Variants in MLKL observed in about 807,000 individuals in gnomAD.
The protein encoded by MLKL is mixed lineage kinase domain-like protein.
MLKL carries 55 observed loss-of-function variants against 56.5 expected under a neutral mutation model. That is an observed-to-expected ratio of 0.97 (90% CI 0.78 to 1.22). The LOEUF is 1.22. Among genes scored for constraint, MLKL ranks in the 50% most tolerant of loss-of-function variants. The probability of loss-of-function intolerance (pLI) is 0.00; values close to 1 mark genes in which losing one functional copy is unlikely to be tolerated. For missense variants in MLKL, 694 were observed against 573.9 expected (o/e 1.21, Z -2.14); for synonymous variants, 251 against 208.3 (o/e 1.20, Z -1.76).
Position 74,695,461 on chromosome 16 carries a change from C to T in MLKL, c.297G>A (p.Lys99=), listed in dbSNP as rs1298535320. ...LTASQDKILF[K]DVNRKLSDVW... ...CATCACTCAGCTTCCTGTTCACGTC[C>T]TTGAAGAGTATTTTGTCCTGGCTTG... is the stretch of plus-strand genomic sequence containing the variant. Residue 99 remains lysine, a synonymous_variant, in exon 2 of 11, where the codon AAG becomes AAA. Coordinates refer to ENST00000308807, the MANE Select transcript of MLKL (RefSeq NM_152649.4). 2.5e-6 allele frequency: 4 copies of T among 1,614,186 alleles called. No individual in the cohort carries two copies. The highest frequency in any genetic ancestry group is 1.3e-5 in the African/African-American group (1 of 75,040).
At chr16:74,673,747 C>T (rs951617835) in intron 10 of MLKL, among the ~76,000 whole-genome samples, 11 of 151,792 alleles carry the variant, frequency 7.2e-5, no homozygotes, top group African/African-American at 2.2e-4. Flanking sequence ...AAAAATAAAA[C>T]AAGAGAGAGG....
At chr16:74,686,304 C>T (rs1358166497) in intron 4 of MLKL, among the ~76,000 whole-genome samples, 1 of 150,466 alleles carries the variant, frequency 6.6e-6, no homozygotes, top group Non-Finnish European at 1.5e-5. Context: ...GATACTAGGC[C>T]GGGCGTGGTG....
intron 6 of MLKL, among the ~76,000 whole-genome samples, chr16:74,681,477 G>A (rs929000030): frequency 3.9e-5 from 6 of 151,976 alleles, no homozygotes; most frequent in South Asian, 2.1e-4. Flanking sequence ...CTGCAGGTGA[G>A]AATAGGTAGA....
At chr16:74,674,910 G>A (rs774534625) in intron 10 of MLKL, 50 bp downstream of exon 10, 3 of 1,578,048 alleles carry the variant, frequency 1.9e-6, no homozygotes, top group Non-Finnish European at 2.6e-6. Context: ...TCTTTCACAA[G>A]TGTGAAATAA....
chr16:74,679,012 C>T (rs1468639002), intron 6 of MLKL, 32 bp from the exon 7 acceptor site: 8 of 1,580,490 alleles, frequency 5.1e-6, no homozygotes, highest in African/African-American at 4.0e-5. Context: ...AGCATAAGTA[C>T]CTTTGCCCAA....
At chr16:74,682,926 G>T (rs1960083225) in intron 5 of MLKL, 140 bp from the exon 6 acceptor site, 4 of 1,020,052 alleles carry the variant, frequency 3.9e-6, no homozygotes, top group Admixed American at 2.7e-5. Flanking sequence ...TCAGCCCACA[G>T]TTTTGGTCCC....
chr16:74,684,564 G>C (rs1024732018), intron 5 of MLKL, among the ~76,000 whole-genome samples: 2 of 150,540 alleles, frequency 1.3e-5, no homozygotes, highest in Non-Finnish European at 3.0e-5. Flanking sequence ...GCATGATCTC[G>C]GCTCACTGCA....
At chr16:74,675,298 T>A in intron 9 of MLKL, 57 bp downstream of exon 9, 1 of 1,611,606 alleles carries the variant, frequency 6.2e-7, no homozygotes, top group Non-Finnish European at 8.5e-7. Context: ...GAATTTCTGG[T>A]CTACTGGAAG....
intron 4 of MLKL, among the ~76,000 whole-genome samples, chr16:74,690,125 T>C (rs1960578110): frequency 6.6e-6 from 1 of 152,164 alleles, no homozygotes; most frequent in East Asian, 1.9e-4. Flanking sequence ...ACAGGCAATT[T>C]ATGGAAGAGA....
At chr16:74,685,613 T>C in intron 4 of MLKL, 30 bp from the exon 5 acceptor site, 1 of 1,570,130 alleles carries the variant, frequency 6.4e-7, no homozygotes, top group Non-Finnish European at 8.8e-7. Flanking sequence ...AAATCAGGAT[T>C]TCAGAACTGG....
chr16:74,688,663 A>C (rs1167600138), intron 4 of MLKL, among the ~76,000 whole-genome samples: 1 of 152,150 alleles, frequency 6.6e-6, no homozygotes, highest in African/African-American at 2.4e-5. Context: ...GCAGTGACTG[A>C]TATCACACCA....
intron 10 of MLKL, among the ~76,000 whole-genome samples, chr16:74,672,933 C>T (rs1053423365): frequency 1.4e-4 from 22 of 152,214 alleles, no homozygotes; most frequent in Non-Finnish European, 5.9e-5. Flanking sequence ...TTTCAGAACA[C>T]ATCATTAAGT....
chr16:74,692,332 G>C lies in MLKL; in HGVS notation c.535+10C>G, dbSNP rs751334080. 18 of 1,611,976 alleles carry C rather than the reference G, an allele frequency of 1.1e-5. 2 individuals carry two copies. The highest frequency in any genetic ancestry group is 2.2e-5 in the East Asian group (1 of 44,856). On this transcript the variant is annotated intron_variant, in intron 3 of 10. Transcript: ENST00000308807. The stretch of plus-strand genomic sequence containing the variant: ...GGCCATCAGAAACAGCAGGGCACAT[G>C]ATAACTTACACTGCCTCAAAGTTTC...
At chr16:74,675,572 T>C (rs1184382697) in intron 8 of MLKL, 41 bp downstream of exon 8, 5 of 1,598,020 alleles carry the variant, frequency 3.1e-6, no homozygotes, top group Non-Finnish European at 4.3e-6. Flanking sequence ...TTTCCTATTA[T>C]GCACATCTGA....
intron 1 of MLKL, among the ~76,000 whole-genome samples, chr16:74,697,434 C>T (rs111424561): frequency 0.031 from 4,697 of 152,206 alleles, 185 homozygotes; most frequent in African/African-American, 0.096. Flanking sequence ...AAGCCGACTG[C>T]GTTCAGCAAT....
Position 74,682,668 on chromosome 16 carries a change from T to C in MLKL, c.939A>G (p.Ala313=). ...CGTCTTACCGGTATAGGCCTCGGGC[T>C]GCCCCCAGGACTAGGACCATGCGCT... ...LGKRMVLVLG[A]ARGLYRLHHS... Residue 313 remains alanine (A), a synonymous_variant, in exon 6 of 11, where the codon GCA becomes GCG. Transcript: ENST00000308807. 1 of 1,614,128 alleles carries C rather than the reference T, an allele frequency of 6.2e-7. No homozygotes were observed. Among genetic ancestry groups the C allele is most frequent in the Non-Finnish European group, 8.5e-7 (1 of 1,180,024 alleles).
At chr16:74,676,047 C>T (rs1231976120) in intron 7 of MLKL, 3 of 375,094 alleles carry the variant, frequency 8.0e-6, no homozygotes, top group Non-Finnish European at 1.4e-5. Context: ...ACCAGTAAGA[C>T]CTGCTAAGTT....
intron 7 of MLKL, chr16:74,678,014 T>C (rs1165855792): frequency 2.6e-5 from 4 of 152,290 alleles, no homozygotes; most frequent in African/African-American, 4.8e-5. Flanking sequence ...CACATGTCAC[T>C]TGCAGAAACA....
chr16:74,687,400 TTTGTAG>T (rs1373832763), intron 4 of MLKL, among the ~76,000 whole-genome samples: 1 of 151,914 alleles, frequency 6.6e-6, no homozygotes, highest in Non-Finnish European at 1.5e-5. Flanking sequence ...CCTTACCCGA[TTTGTAG>T]TTGGCTTAAA....
Sources: allele counts gnomAD v4.1 joint callset (sites outside exome capture counted in the v4.1 genomes callset), GRCh38; gene constraint gnomAD v4.1.1; transcripts MANE v1.5; gene names NCBI Gene and HGNC (gene_info 2026-07-23, HGNC 2026-07-21).